The following MTCL2 variants were observed in gnomAD, a reference collection of about 807,000 sequenced individuals.
The protein encoded by MTCL2 is microtubule crosslinking factor 2, also known as microtubule cross-linking factor 2.
the MTCL2 span, among the ~76,000 whole-genome samples, chr20:36,828,024 G>A: frequency 6.6e-6 from 1 of 152,234 alleles, no homozygotes; most frequent in African/African-American, 2.4e-5. Context: ...CTGGAGGAAT[G>A]TTCTGGCCTT....
the MTCL2 span, among the ~76,000 whole-genome samples, chr20:36,829,997 C>T: frequency 7.7e-3 from 1,174 of 151,626 alleles, 9 homozygotes; most frequent in Non-Finnish European, 0.012. Flanking sequence ...AAAACTTTGT[C>T]TATAAATAAA....
chr20:36,821,642 C>A, the MTCL2 span, among the ~76,000 whole-genome samples: 2 of 152,100 alleles, frequency 1.3e-5, no homozygotes, highest in African/African-American at 4.8e-5. Flanking sequence ...TGCTTGAGCC[C>A]GCAAGGTGGA....
At chr20:36,788,926 C>T in the MTCL2 span, among the ~76,000 whole-genome samples, 1 of 151,918 alleles carries the variant, frequency 6.6e-6, no homozygotes, top group African/African-American at 2.4e-5. Context: ...CCTGCCTCAG[C>T]CTCCCGAGTA....
At chr20:36,796,932 G>A in the MTCL2 span, 64 of 1,613,808 alleles carry the variant, frequency 4.0e-5, no homozygotes, top group African/African-American at 5.3e-5. Flanking sequence ...CCTCCTTGTC[G>A]TGGATCTTCT....
the MTCL2 span, among the ~76,000 whole-genome samples, chr20:36,803,587 G>C: frequency 6.6e-6 from 1 of 152,044 alleles, no homozygotes; most frequent in Non-Finnish European, 1.5e-5. Flanking sequence ...AGGGAGCTGT[G>C]AGATCTGGAA....
At chr20:36,820,403 A>G in the MTCL2 span, among the ~76,000 whole-genome samples, 1 of 152,220 alleles carries the variant, frequency 6.6e-6, no homozygotes, top group Admixed American at 6.5e-5. Context: ...ATTCACTGAC[A>G]TGGTAAAGTC....
chr20:36,843,366 C>T, the MTCL2 span, among the ~76,000 whole-genome samples: 2 of 152,078 alleles, frequency 1.3e-5, no homozygotes, highest in Non-Finnish European at 2.9e-5. Context: ...CTCACAAGCT[C>T]GAGAGGTTTT....
chr20:36,859,675 C>T, the MTCL2 span: 1 of 1,231,782 alleles, frequency 8.1e-7, no homozygotes, highest in Non-Finnish European at 1.0e-6. Flanking sequence ...GACTGGAGAT[C>T]ACAGTCCTTC....
At chr20:36,787,490 T>C in the MTCL2 span, among the ~76,000 whole-genome samples, 1 of 152,120 alleles carries the variant, frequency 6.6e-6, no homozygotes, top group Non-Finnish European at 1.5e-5. Flanking sequence ...TCCAAAGTGG[T>C]GGGATTGCAG....
the MTCL2 span, among the ~76,000 whole-genome samples, chr20:36,837,081 G>C: frequency 2.6e-5 from 4 of 152,190 alleles, no homozygotes; most frequent in African/African-American, 4.8e-5. Context: ...GCTCCCCTGG[G>C]TCCTCACAGG....
chr20:36,811,645 A>G, the MTCL2 span, among the ~76,000 whole-genome samples: 2 of 151,986 alleles, frequency 1.3e-5, no homozygotes, highest in African/African-American at 4.8e-5. Context: ...AAAAAAACAA[A>G]AAAAAGAATA....
chr20:36,807,084 G>A, the MTCL2 span, among the ~76,000 whole-genome samples: 13 of 152,284 alleles, frequency 8.5e-5, no homozygotes, highest in African/African-American at 2.4e-4. Flanking sequence ...CAGGAGGACC[G>A]AGGCGAATGC....
At chr20:36,839,116 C>A in the MTCL2 span, 2 of 1,087,936 alleles carry the variant, frequency 1.8e-6, no homozygotes, top group Non-Finnish European at 1.3e-6. This position sits in a 1 kb window ranked among gnomAD's most constrained non-coding sequence, Gnocchi z 5.1. Context: ...GGTGGTAGAA[C>A]TTGGCCATGG....
At chr20:36,798,757 C>A in the MTCL2 span, among the ~76,000 whole-genome samples, 1 of 152,160 alleles carries the variant, frequency 6.6e-6, no homozygotes, top group African/African-American at 2.4e-5. Flanking sequence ...GTTTCTTCCC[C>A]TTCCCCATCC....
At chr20:36,804,743 T>C in the MTCL2 span, 1 of 1,613,364 alleles carries the variant, frequency 6.2e-7, no homozygotes, top group East Asian at 2.2e-5. Context: ...ACCTGGGAGG[T>C]ATGGCCCTTG....
At chr20:36,847,298 C>G in the MTCL2 span, among the ~76,000 whole-genome samples, 1 of 152,226 alleles carries the variant, frequency 6.6e-6, no homozygotes, top group African/African-American at 2.4e-5. Flanking sequence ...CTAGAACGGC[C>G]TTTGCCAGGC....
chr20:36,805,840 G>T, the MTCL2 span: 15 of 1,597,362 alleles, frequency 9.4e-6, no homozygotes, highest in Non-Finnish European at 1.2e-5. Context: ...CCGGGAAGGG[G>T]CTGGAAACAC....
At chr20:36,834,605 C>T in the MTCL2 span, among the ~76,000 whole-genome samples, 1 of 152,124 alleles carries the variant, frequency 6.6e-6, no homozygotes, top group Non-Finnish European at 1.5e-5. Flanking sequence ...TAGTCTACTA[C>T]TACTACCAAC....
the MTCL2 span, among the ~76,000 whole-genome samples, chr20:36,841,647 G>A: frequency 6.6e-6 from 1 of 152,186 alleles, no homozygotes; most frequent in Non-Finnish European, 1.5e-5. Context: ...ACTGACAGGA[G>A]TCAACCACAT....
Sources: gnomAD v4.1 joint callset for allele counts (sites outside exome capture counted in the v4.1 genomes callset) on GRCh38, gnomAD v4.1.1 for gene constraint, Gnocchi (gnomAD v3.1) non-coding constraint, MANE v1.5 for transcripts, NCBI Gene and HGNC (gene_info 2026-07-23, HGNC 2026-07-21) for gene names.